The following NUDT4 variants were observed in gnomAD, a reference collection of about 807,000 sequenced individuals.
The protein encoded by NUDT4 is nudix hydrolase 4.
Under a neutral mutation model 23.1 loss-of-function variants are expected in NUDT4, and 5 were observed. The ratio of observed to expected loss-of-function variants is 0.22; its 90% CI spans 0.11 to 0.46. The LOEUF is 0.46. Ranked by LOEUF, NUDT4 falls within the 20% of genes least tolerant of loss-of-function variation. The probability of loss-of-function intolerance (pLI) is 0.99; values close to 1 mark genes in which losing one functional copy is unlikely to be tolerated. For synonymous variants in NUDT4, 50 were observed against 79.0 expected (o/e 0.63, Z 1.95); for missense variants, 96 against 211.6 (o/e 0.45, Z 3.39).
At position 93,394,590 on chromosome 12, in the gene NUDT4, G is replaced by A. The variant is rs755307145; in HGVS notation, c.100-19G>A. On this transcript the variant is annotated intron_variant, in intron 1 of 4. Transcript: ENST00000415493. ...GTGCTTCTCAGGCTGGAAGTATACAGTTATGGTTCACCTTACAGGTGCTGC... is the reference window on the plus strand; with the variant it reads ...GTGCTTCTCAGGCTGGAAGTATACAATTATGGTTCACCTTACAGGTGCTGC... 2.1e-6 allele frequency: 3 copies of A among 1,456,020 alleles called. No homozygotes were observed. The highest frequency in any genetic ancestry group is 2.8e-6 in the Non-Finnish European group (3 of 1,060,124). The allele number at this position is 1,456,020 out of a possible 1,614,324, so 90.2% of individuals were successfully genotyped here.
At chr12:93,389,552 T>G (rs1305271617) in intron 1 of NUDT4, among the ~76,000 whole-genome samples, 1 of 152,224 alleles carries the variant, frequency 6.6e-6, no homozygotes, top group African/African-American at 2.4e-5. Flanking sequence ...ATATTACTCA[T>G]TTTTGGAAGA....
intron 1 of NUDT4, among the ~76,000 whole-genome samples, chr12:93,393,105 T>C (rs1368276830): frequency 1.4e-5 from 2 of 141,924 alleles, no homozygotes; most frequent in Non-Finnish European, 3.1e-5. Flanking sequence ...TTTTTTTTTT[T>C]TTTCCCCGAG....
chr12:93,391,740 T>TA (rs910861161), intron 1 of NUDT4, among the ~76,000 whole-genome samples: 3 of 151,990 alleles, frequency 2.0e-5, no homozygotes, highest in African/African-American at 7.3e-5. Context: ...CTGTCTTAGT[T>TA]ATCATCATCA....
At chr12:93,381,260 T>C (rs1875639839) in intron 1 of NUDT4, among the ~76,000 whole-genome samples, 1 of 152,226 alleles carries the variant, frequency 6.6e-6, no homozygotes, top group Non-Finnish European at 1.5e-5. Flanking sequence ...CCTTTGTTTC[T>C]AAATGTTTTG....
intron 1 of NUDT4, among the ~76,000 whole-genome samples, chr12:93,392,417 G>A (rs1381888011): frequency 2.0e-5 from 3 of 148,548 alleles, no homozygotes; most frequent in Non-Finnish European, 3.0e-5. Context: ...CACCACGCCC[G>A]GCTAATTTTT....
At chr12:93,397,720 T>C (rs1877036197) in intron 3 of NUDT4, among the ~76,000 whole-genome samples, 1 of 152,054 alleles carries the variant, frequency 6.6e-6, no homozygotes. Context: ...AGACGGGGTT[T>C]CACCATGTTG....
chr12:93,380,380 G>A (rs1190373984), intron 1 of NUDT4, among the ~76,000 whole-genome samples: 3 of 152,144 alleles, frequency 2.0e-5, no homozygotes, highest in Non-Finnish European at 4.4e-5. Context: ...TTATTTTTAT[G>A]CTTGGATATT....
intron 3 of NUDT4, among the ~76,000 whole-genome samples, chr12:93,396,738 C>A (rs1055319683): frequency 5.3e-5 from 8 of 151,588 alleles, no homozygotes; most frequent in African/African-American, 2.0e-4. Flanking sequence ...TATGGTGAAA[C>A]CCTGTCTCTA....
Position 93,407,486 on chromosome 12 carries a change from T to TA in NUDT4, c.*8108dup. The TA allele has an allele frequency of 6.6e-6, 1 of 152,246 alleles. No individual in the cohort carries two copies. Among genetic ancestry groups the TA allele is most frequent in the Non-Finnish European group, 1.5e-5 (1 of 68,066 alleles). 9.4% of individuals were successfully genotyped at this position (152,246 alleles called of 1,614,324 possible). Reference sequence around the variant, plus strand: ...TCAAAGGCTTACAAGGGGGAAGGACTAGCAGGTGTGCTCGGAGGGGACTCT... The same window carrying TA: ...TCAAAGGCTTACAAGGGGGAAGGACTAAGCAGGTGTGCTCGGAGGGGACTCT... On this transcript the variant is annotated 3_prime_UTR_variant, in exon 5 of 5. Transcript: ENST00000415493.
chr12:93,401,945 G>T lies in NUDT4; in HGVS notation c.*2566G>T. 1 of 130,100 alleles carries T rather than the reference G, an allele frequency of 7.7e-6. No homozygotes were observed. 8.1% of individuals were successfully genotyped at this position (130,100 alleles called of 1,614,324 possible). ...TGATTTTTTTTTTTTTTTTTTGGTGGGGTAGTTGAATAAAATTGGGCAGCT... is the reference window on the plus strand; with the variant it reads ...TGATTTTTTTTTTTTTTTTTTGGTGTGGTAGTTGAATAAAATTGGGCAGCT... On this transcript the variant is annotated 3_prime_UTR_variant, in exon 5 of 5. Transcript: ENST00000415493.
chr12:93,385,973 A>ACC (rs1876058604), intron 1 of NUDT4, among the ~76,000 whole-genome samples: 2 of 126,692 alleles, frequency 1.6e-5, no homozygotes, highest in Non-Finnish European at 3.4e-5. Context: ...ATATATATAC[A>ACC]TAATTTTTTT....
At chr12:93,379,210 A>T (rs1875450106) in intron 1 of NUDT4, among the ~76,000 whole-genome samples, 1 of 152,272 alleles carries the variant, frequency 6.6e-6, no homozygotes, top group East Asian at 1.9e-4. Context: ...TTCTTGGATA[A>T]TTTACCCATC....
At chr12:93,386,689 C>T (rs1436603498) in intron 1 of NUDT4, among the ~76,000 whole-genome samples, 1 of 151,986 alleles carries the variant, frequency 6.6e-6, no homozygotes, top group East Asian at 1.9e-4. Flanking sequence ...ACACGGACTG[C>T]TCAGAACTAG....
chr12:93,394,452 T>C (rs1025937665), intron 1 of NUDT4, among the ~76,000 whole-genome samples, 157 bp from the exon 2 acceptor site: 3 of 152,266 alleles, frequency 2.0e-5, no homozygotes, highest in Non-Finnish European at 4.4e-5. Context: ...GGTTGTCAAT[T>C]GCATTTTTGT....
chr12:93,386,658 G>A (rs1389912937), intron 1 of NUDT4, among the ~76,000 whole-genome samples: 1 of 151,864 alleles, frequency 6.6e-6, no homozygotes, highest in Non-Finnish European at 1.5e-5. Context: ...GCTGAAAAAT[G>A]TGAGTATGTA....
At chr12:93,392,684 T>TTTTTTTTTC (rs1555193956) in intron 1 of NUDT4, among the ~76,000 whole-genome samples, 2 of 101,590 alleles carry the variant, frequency 2.0e-5, no homozygotes, top group African/African-American at 7.9e-5. Flanking sequence ...TTTTTTTTTT[T>TTTTTTTTTC]CCCCCGAGAT....
chr12:93,383,934 C>A (rs1161999303), intron 1 of NUDT4, among the ~76,000 whole-genome samples: 2 of 152,184 alleles, frequency 1.3e-5, no homozygotes, highest in African/African-American at 4.8e-5. Flanking sequence ...GGCTCCTCCG[C>A]TCCCCTTCCC....
chr12:93,394,121 G>C (rs868662986), intron 1 of NUDT4, among the ~76,000 whole-genome samples: 3 of 151,844 alleles, frequency 2.0e-5, no homozygotes, highest in Non-Finnish European at 4.4e-5. Flanking sequence ...TCCTGCTTCA[G>C]CCTCCCAAGT....
intron 1 of NUDT4, among the ~76,000 whole-genome samples, chr12:93,391,954 G>A (rs955143557): frequency 6.6e-6 from 1 of 152,004 alleles, no homozygotes; most frequent in Non-Finnish European, 1.5e-5. Flanking sequence ...TGCAGTCTCG[G>A]CTCACTGCAA....
Sources: gnomAD v4.1 joint callset for allele counts (sites outside exome capture counted in the v4.1 genomes callset) on GRCh38, gnomAD v4.1.1 for gene constraint, MANE v1.5 for transcripts, NCBI Gene and HGNC (gene_info 2026-07-23, HGNC 2026-07-21) for gene names.